STON2: variants seen among roughly 807,000 people sequenced by gnomAD.
STON2 encodes stonin 2.
In STON2, 29 loss-of-function variants were observed where a neutral mutation model predicts 65.7. The ratio of observed to expected loss-of-function variants is 0.44; its 90% CI spans 0.33 to 0.60. The LOEUF (loss-of-function observed/expected upper bound fraction) is 0.60. STON2 is among the 20% of genes least tolerant of loss of function. STON2 has a pLI of 0.03. For missense variants in STON2, 1,054 were observed against 1,118.1 expected, an observed-to-expected ratio of 0.94 and a Z score of 0.82; for synonymous variants, 404 against 414.2, an observed-to-expected ratio of 0.98 and a Z score of 0.30.
At chr14:81,411,062 T>G (rs1420908592) in intron 2 of STON2, among the ~76,000 whole-genome samples, 2 of 152,244 alleles carry the variant, frequency 1.3e-5, no homozygotes, top group Non-Finnish European at 2.9e-5. Flanking sequence ...TAAAATTAGG[T>G]TGCCTTTTCA....
chr14:81,421,671 GA>G (rs1901711684), intron 2 of STON2, among the ~76,000 whole-genome samples: 1 of 152,156 alleles, frequency 6.6e-6, no homozygotes, highest in Admixed American at 6.5e-5. Context: ...AAAACCTTTG[GA>G]AAACTGGATC....
intron 4 of STON2, among the ~76,000 whole-genome samples, chr14:81,359,445 G>A (rs769671416): frequency 5.9e-5 from 9 of 152,098 alleles, no homozygotes; most frequent in African/African-American, 1.2e-4. Context: ...AATATTGCAA[G>A]TAGTAATTTA....
chr14:81,406,134 C>T (rs534111735), intron 2 of STON2, among the ~76,000 whole-genome samples: 2 of 152,302 alleles, frequency 1.3e-5, no homozygotes, highest in East Asian at 1.9e-4. Context: ...GCCACACTGT[C>T]GGCTTCCCTA....
At chr14:81,357,894 G>A (rs1258050253) in intron 4 of STON2, among the ~76,000 whole-genome samples, 1 of 118,262 alleles carries the variant, frequency 8.5e-6, no homozygotes, top group Admixed American at 1.0e-4. Flanking sequence ...GTTGTGGGGT[G>A]GGGGGAGGGG....
At chr14:81,381,344 G>A (rs1196204791) in intron 3 of STON2, among the ~76,000 whole-genome samples, 4 of 152,084 alleles carry the variant, frequency 2.6e-5, no homozygotes, top group African/African-American at 9.7e-5. Context: ...GAAAAAAACT[G>A]TATCATTAAA....
chr14:81,342,238 G>T (rs1430364313), intron 4 of STON2, among the ~76,000 whole-genome samples: 1 of 151,732 alleles, frequency 6.6e-6, no homozygotes, highest in Non-Finnish European at 1.5e-5. Context: ...AGGTTCAAGT[G>T]ATTCTCCTGC....
rs1894179932 is a variant in STON2, at chr14:81,262,284, A to G, written c.*6130T>C. ...TTAATAAATCCATTATGGCATGCCT[A>G]TGAGTGACTTTAAATAAACAATCCT... is the stretch of plus-strand genomic sequence containing the variant. On this transcript the variant is annotated 3_prime_UTR_variant, in exon 8 of 8. Transcript: ENST00000614646. 4 of 985,346 alleles carry G rather than the reference A, an allele frequency of 4.1e-6. No individual in the cohort carries two copies. The highest frequency in any genetic ancestry group is 4.8e-6 in the Non-Finnish European group (4 of 829,948). 61.0% of individuals were successfully genotyped at this position (985,346 alleles called of 1,614,324 possible).
At chr14:81,351,322 A>G (rs1898016508) in intron 4 of STON2, among the ~76,000 whole-genome samples, 1 of 152,120 alleles carries the variant, frequency 6.6e-6, no homozygotes, top group South Asian at 2.1e-4. Flanking sequence ...AGGACAATCC[A>G]GAAATGAAAA....
At chr14:81,403,667 G>A (rs558372573), upstream of STON2, among the ~76,000 whole-genome samples, 7 of 152,228 alleles carry the variant, frequency 4.6e-5, no homozygotes, top group Middle Eastern at 3.4e-3. Flanking sequence ...GTTTACTGCC[G>A]GCTAGGTCCT....
chr14:81,307,564 G>A (rs777375657), intron 5 of STON2, among the ~76,000 whole-genome samples: 1 of 152,190 alleles, frequency 6.6e-6, no homozygotes, highest in Non-Finnish European at 1.5e-5. Flanking sequence ...TCTTGTAAAT[G>A]AGAAAGAATT....
intron 5 of STON2, among the ~76,000 whole-genome samples, chr14:81,280,239 T>G (rs1345061338): frequency 6.6e-6 from 1 of 152,188 alleles, no homozygotes; most frequent in Non-Finnish European, 1.5e-5. Context: ...CTAAACTTTT[T>G]CAGTAACCTA....
rs1431279238 is a variant in STON2, at chr14:81,277,604, CTCT to C, written c.1875_1877del (p.Glu627del). 4 of 1,614,166 alleles carry C rather than the reference CTCT, an allele frequency of 2.5e-6. No homozygotes were observed. Among genetic ancestry groups the C allele is most frequent in the Non-Finnish European group, 3.4e-6 (4 of 1,180,034 alleles). On this transcript the variant is annotated inframe_deletion, in exon 6 of 8. Transcript: ENST00000614646. ...CATCTCTGACATCCACTGTAATCTCCTCTTCAAGGTAGTTGAGGCCAACTGTGC... is the reference window on the plus strand; with the variant it reads ...CATCTCTGACATCCACTGTAATCTCCTCAAGGTAGTTGAGGCCAACTGTGC...
intron 5 of STON2, among the ~76,000 whole-genome samples, chr14:81,303,715 T>C (rs1251015353): frequency 6.6e-6 from 1 of 152,190 alleles, no homozygotes. Flanking sequence ...ATTAACCCTA[T>C]GACAACCCAA....
At chr14:81,272,809 C>A (rs1337349462) in intron 6 of STON2, among the ~76,000 whole-genome samples, 1 of 152,096 alleles carries the variant, frequency 6.6e-6, no homozygotes, top group African/African-American at 2.4e-5. Flanking sequence ...TGCACTAAGC[C>A]CTTAAAAGCA....
chr14:81,422,404 C>T (rs996131569), intron 2 of STON2, among the ~76,000 whole-genome samples: 10 of 152,232 alleles, frequency 6.6e-5, no homozygotes, highest in East Asian at 3.9e-4. Flanking sequence ...CAGATGTTGG[C>T]GCCATGCTTC....
At chr14:81,298,238 T>G (rs540545468) in intron 5 of STON2, among the ~76,000 whole-genome samples, 8 of 152,204 alleles carry the variant, frequency 5.3e-5, no homozygotes, top group African/African-American at 1.9e-4. Context: ...AAATGAGCTA[T>G]CAAGAAATTG....
Position 81,262,049 on chromosome 14 carries a change from A to G in STON2, c.*6365T>C. On this transcript the variant is annotated 3_prime_UTR_variant, in exon 8 of 8. Coordinates refer to ENST00000614646, the MANE Select transcript of STON2 (RefSeq NM_001394390.1). Reference sequence around the variant, plus strand: ...TTTCTTGGTTCTTATAAACATAGGAAGAGTCACTGAAAGGTGGCACCAATG... The same window carrying G: ...TTTCTTGGTTCTTATAAACATAGGAGGAGTCACTGAAAGGTGGCACCAATG... 7.6e-7 allele frequency: 1 copy of G among 1,322,900 alleles called. No individual in the cohort carries two copies. The allele number at this position is 1,322,900 out of a possible 1,614,324, so 81.9% of individuals were successfully genotyped here.
chr14:81,334,476 G>A (rs539076746), intron 4 of STON2, among the ~76,000 whole-genome samples: 1 of 152,258 alleles, frequency 6.6e-6, no homozygotes, highest in South Asian at 2.1e-4. Flanking sequence ...CTCTAAAACA[G>A]TAACAGCAAC....
At position 81,389,532 on chromosome 14, in the gene STON2, T is replaced by C. The variant is rs1026391647; in HGVS notation, c.373+6362A>G. Among the ~76,000 whole-genome samples, 6 of 152,228 alleles carry C rather than the reference T, an allele frequency of 3.9e-5. No homozygotes were observed. The East Asian group carries it at 7.7e-4, about 20-fold the overall frequency. The stretch of plus-strand genomic sequence containing the variant: ...TTAGAGTGGATAAATGAGAAATTGA[T>C]GGGCAAATCATTTCTATGTGGTCAG... On this transcript the variant is annotated intron_variant, in intron 3 of 7. Transcript: ENST00000614646.
Sources: allele counts gnomAD v4.1 joint callset (sites outside exome capture counted in the v4.1 genomes callset), GRCh38; gene constraint gnomAD v4.1.1; transcripts MANE v1.5; gene names NCBI Gene and HGNC (gene_info 2026-07-23, HGNC 2026-07-21).